Variants in RB1CC1 observed in about 807,000 individuals in gnomAD.
RB1CC1 encodes RB1 inducible coiled-coil 1.
Under a neutral mutation model 177.5 loss-of-function variants are expected in RB1CC1, and 46 were observed. That is an observed-to-expected ratio of 0.26 (90% CI 0.20 to 0.33). The LOEUF (loss-of-function observed/expected upper bound fraction) is 0.33, where lower values mean the gene tolerates loss of function less well. RB1CC1 is among the 10% of genes least tolerant of loss of function. The probability of loss-of-function intolerance (pLI) is 1.00; values close to 1 mark genes in which losing one functional copy is unlikely to be tolerated. For synonymous variants in RB1CC1, 666 were observed against 613.6 expected, an observed-to-expected ratio of 1.09 and a Z score of -1.26; for missense variants, 1,703 against 1,816.3, an observed-to-expected ratio of 0.94 and a Z score of 1.13.
At chr8:52,706,239 G>C (rs1250050809) in intron 1 of RB1CC1, among the ~76,000 whole-genome samples, 1 of 151,808 alleles carries the variant, frequency 6.6e-6, no homozygotes, top group African/African-American at 2.4e-5. Context: ...GCAAGACAAA[G>C]ATTCCCACCA....
intron 20 of RB1CC1, among the ~76,000 whole-genome samples, chr8:52,634,474 C>T (rs186289601): frequency 6.6e-6 from 1 of 151,166 alleles, no homozygotes; most frequent in African/African-American, 2.4e-5. Context: ...TGCAGTGAGT[C>T]GAGATCACAC....
intron 5 of RB1CC1, among the ~76,000 whole-genome samples, chr8:52,679,448 G>A (rs1853485604): frequency 1.3e-5 from 2 of 152,180 alleles, no homozygotes; most frequent in Admixed American, 6.5e-5. Context: ...CAGATGCACT[G>A]AGCCAGACTA....
chr8:52,624,485 T>C (rs1441209942), intron 23 of RB1CC1, among the ~76,000 whole-genome samples: 1 of 151,992 alleles, frequency 6.6e-6, no homozygotes, highest in East Asian at 1.9e-4. Flanking sequence ...AACACAGACT[T>C]CGTAGTAGTT....
At chr8:52,700,926 T>A (rs1178866999) in intron 1 of RB1CC1, among the ~76,000 whole-genome samples, 2 of 152,188 alleles carry the variant, frequency 1.3e-5, no homozygotes. Context: ...TTACTTGAAT[T>A]GAATTTCCCT....
At position 52,623,776 on chromosome 8, in the gene RB1CC1, C is replaced by T; in HGVS notation, c.*6G>A. 6.3e-7 allele frequency: 1 copy of T among 1,578,718 alleles called. No individual in the cohort carries two copies. The highest frequency in any genetic ancestry group is 8.7e-7 in the Non-Finnish European group (1 of 1,148,542). Reference sequence around the variant, plus strand: ...TGTCATAGAATGTATTAATTTTGTCCATAAGTTATACTTTCTTATTCCATG... The same window carrying T: ...TGTCATAGAATGTATTAATTTTGTCTATAAGTTATACTTTCTTATTCCATG... On this transcript the variant is annotated 3_prime_UTR_variant, in exon 24 of 24. Coordinates refer to ENST00000025008, the MANE Select transcript of RB1CC1 (RefSeq NM_014781.5).
chr8:52,670,166 G>A (rs989514789), intron 7 of RB1CC1, among the ~76,000 whole-genome samples: 4 of 152,132 alleles, frequency 2.6e-5, no homozygotes, highest in African/African-American at 7.2e-5. Flanking sequence ...CCTGGGCTCA[G>A]GCAATGGACT....
At chr8:52,649,777 G>A (rs1850404524) in intron 15 of RB1CC1, among the ~76,000 whole-genome samples, 1 of 152,132 alleles carries the variant, frequency 6.6e-6, no homozygotes, top group African/African-American at 2.4e-5. Flanking sequence ...CCCAACCCAC[G>A]CAAACCACAT....
In RB1CC1 at chr8:52,624,800, AAT is replaced by A; in HGVS notation, c.4637-15_4637-14del. 6.7e-7 allele frequency: 1 copy of A among 1,481,488 alleles called. No individual in the cohort carries two copies. Among genetic ancestry groups the A allele is most frequent in the South Asian group, 1.3e-5 (1 of 79,394 alleles). The allele number at this position is 1,481,488 out of a possible 1,614,324, so 91.8% of individuals were successfully genotyped here. On this transcript the variant is annotated splice_polypyrimidine_tract_variant and intron_variant, in intron 22 of 23. Transcript: ENST00000025008. ...GATGCACCTGAAGCTAATGAAATTAAATAGTTAATCTCTTTTTGAAAGTATGA... is the reference window on the plus strand; with the variant it reads ...GATGCACCTGAAGCTAATGAAATTAAAGTTAATCTCTTTTTGAAAGTATGA...
chr8:52,712,269 A>C (rs1857121070), intron 1 of RB1CC1, among the ~76,000 whole-genome samples: 1 of 152,174 alleles, frequency 6.6e-6, no homozygotes, highest in Non-Finnish European at 1.5e-5. Context: ...TATTCATAAG[A>C]CATACACATC....
rs776729236 is a variant in RB1CC1, at chr8:52,628,087, T to C, written c.4581A>G (p.Leu1527=). Reference sequence around the variant, plus strand: ...GTAGAGACTCTGAATGTAGAAAATATAAAGTAGGACTAACAGTAAATAACA... The same window carrying C: ...GTAGAGACTCTGAATGTAGAAAATACAAAGTAGGACTAACAGTAAATAACA... ...NYVLFTVSPT[L]YFLHSESLPA... Residue 1527 remains leucine (L), a synonymous_variant, in exon 22 of 24, where the codon TTA becomes TTG. Coordinates refer to ENST00000025008, the MANE Select transcript of RB1CC1 (RefSeq NM_014781.5). The C allele has an allele frequency of 1.9e-6, 3 of 1,606,162 alleles. No homozygotes were observed. In the Admixed American group the frequency reaches 5.1e-5, roughly 27 times the overall value.
chr8:52,659,364 CAT>C (rs1473016008), intron 12 of RB1CC1, among the ~76,000 whole-genome samples: 1 of 152,068 alleles, frequency 6.6e-6, no homozygotes, highest in Non-Finnish European at 1.5e-5. Context: ...AAAATGCACA[CAT>C]GTATTTTTTT....
chr8:52,625,454 C>T (rs1456644631), intron 22 of RB1CC1, among the ~76,000 whole-genome samples: 1 of 152,124 alleles, frequency 6.6e-6, no homozygotes, highest in African/African-American at 2.4e-5. Flanking sequence ...TACCCATTCT[C>T]TTTTTAAATT....
At position 52,641,384 on chromosome 8, in the gene RB1CC1, CAAAAAA is replaced by C. The variant is rs33912526; in HGVS notation, c.4337+961_4337+966del. On this transcript the variant is annotated intron_variant, in intron 18 of 23. Transcript: ENST00000025008. ...GGGGGATAAGAGTGAGACTTCATCT[CAAAAAA>C]AAAAAAAAAAAAAATTAAAATAAAA... Among the ~76,000 whole-genome samples the C allele has an allele frequency of 1.1e-3, 105 of 97,480 alleles. 1 individual carries two copies. Among genetic ancestry groups the C allele is most frequent in the African/African-American group, 4.0e-3 (100 of 24,796 alleles). 64.0% of individuals were successfully genotyped at this position (97,480 alleles called of 152,430 possible). A position where few individuals can be genotyped will look rare whatever the true frequency, so the allele number is the denominator to read the frequency against.
At chr8:52,662,760 G>T (rs1276389664) in intron 8 of RB1CC1, among the ~76,000 whole-genome samples, 1 of 151,990 alleles carries the variant, frequency 6.6e-6, no homozygotes, top group Non-Finnish European at 1.5e-5. Flanking sequence ...TATCTGAAAG[G>T]AAGACAATTT....
intron 7 of RB1CC1, 87 bp from the exon 8 acceptor site, chr8:52,668,278 GA>G: frequency 7.0e-7 from 1 of 1,420,512 alleles, no homozygotes; most frequent in Non-Finnish European, 9.5e-7. Context: ...CAGCTTGAGA[GA>G]AAATAAGTGA....
At position 52,656,083 on chromosome 8, in the gene RB1CC1, A is replaced by T; in HGVS notation, c.3746T>A (p.Phe1249Tyr). The T allele has an allele frequency of 6.2e-7, 1 of 1,613,228 alleles. No homozygotes were observed. The highest frequency in any genetic ancestry group is 8.5e-7 in the Non-Finnish European group (1 of 1,179,686). ...DEAIQTALKE[F>Y]KLEREVVEKE... ...CTCAACAACTTCTCTCTCCAATTTA[A>T]ATTCTTTTAGGGCAGTCTGAATAGC... The change falls in exon 15 of 24, where the codon TTT becomes TAT. Residue 1249 changes from phenylalanine to tyrosine, a missense_variant. Phe to Tyr is a conservative substitution (Grantham distance 22, BLOSUM62 3). Transcript: ENST00000025008.
intron 1 of RB1CC1, among the ~76,000 whole-genome samples, chr8:52,697,906 A>G (rs1423445122): frequency 6.6e-6 from 1 of 152,218 alleles, no homozygotes; most frequent in Non-Finnish European, 1.5e-5. Context: ...CCTTAAGCCA[A>G]TAACTGTACC....
rs1257034452 is a variant in RB1CC1 at position 52,661,265 on chromosome 8, T to C, written c.1375A>G (p.Met459Val). 1 of 1,612,832 alleles carries C rather than the reference T, an allele frequency of 6.2e-7. No homozygotes were observed. Among genetic ancestry groups the C allele is most frequent in the South Asian group, 1.1e-5 (1 of 90,836 alleles). ...HVRLKWCCFVMLHADQDGEKL... is the reference protein window; with the variant it reads ...HVRLKWCCFVVLHADQDGEKL... ...TCTCCATCTTGATCAGCATGAAGCA[T>C]TACAAAGCAACACCACCTAGAGAAT... is the stretch of plus-strand genomic sequence containing the variant. Residue 459 changes from methionine (M) to valine (V), a missense_variant, in exon 10 of 24, where the codon ATG becomes GTG. Coordinates refer to ENST00000025008, the MANE Select transcript of RB1CC1 (RefSeq NM_014781.5).
Position 52,673,914 on chromosome 8 carries a change from C to G in RB1CC1, c.933G>C (p.Trp311Cys). ...LPFFNVSLLD[W>C]INVQDRPNDV... ...CATTAGGTCTATCTTGAACATTTAT[C>G]CAGTCTAACAAAGAGACATTAAAAA... Residue 311 changes from tryptophan (W) to cysteine (C), a missense_variant, in exon 7 of 24, where the codon TGG becomes TGC. By Grantham distance (215) the Trp-to-Cys change is radical (BLOSUM62 -2). Coordinates refer to ENST00000025008, the MANE Select transcript of RB1CC1 (RefSeq NM_014781.5). 1 of 1,614,102 alleles carries G rather than the reference C, an allele frequency of 6.2e-7. No homozygotes were observed. The highest frequency in any genetic ancestry group is 8.5e-7 in the Non-Finnish European group (1 of 1,180,002).
Sources: allele counts gnomAD v4.1 joint callset (sites outside exome capture counted in the v4.1 genomes callset), GRCh38; gene constraint gnomAD v4.1.1; transcripts MANE v1.5; gene names NCBI Gene and HGNC (gene_info 2026-07-23, HGNC 2026-07-21).